TAF7L: variants seen among roughly 807,000 people sequenced by gnomAD.
The protein encoded by TAF7L is TATA-box binding protein associated factor 7 like, also known as transcription initiation factor TFIID subunit 7-like.
Under a neutral mutation model 30.2 loss-of-function variants are expected in TAF7L, and 6 were observed. The ratio of observed to expected loss-of-function variants is 0.20; its 90% CI spans 0.11 to 0.39. The LOEUF (loss-of-function observed/expected upper bound fraction) is 0.39. Among genes scored for constraint, TAF7L ranks in the 10% least tolerant of loss-of-function variants. The pLI, the probability that TAF7L is intolerant of heterozygous loss-of-function variation, is 1.00. For synonymous variants in TAF7L, 93 were observed against 94.5 expected, an observed-to-expected ratio of 0.98 and a Z score of 0.09; for missense variants, 284 against 277.1, an observed-to-expected ratio of 1.03 and a Z score of -0.18.
chrX:101,277,791 T>A, intron 8 of TAF7L, 72 bp from the exon 9 acceptor site: 1 of 780,227 alleles, frequency 1.3e-6, no homozygotes, highest in Non-Finnish European at 1.9e-6. Context: ...AAGGGGCTCT[T>A]TGGCTAACAG....
chrX:101,291,276 T>C lies in TAF7L; in HGVS notation c.-55A>G, dbSNP rs1924788206. ...CCGAAAAGGCTGGGACCTGCGTCTC[T>C]GGTCTGTGGGTTCCGGACGAACCGC... On this transcript the variant is annotated 5_prime_UTR_variant, in exon 1 of 13. Coordinates refer to ENST00000356784, the MANE Select transcript of TAF7L (RefSeq NM_001168474.2). 4.0e-6 allele frequency: 3 copies of C among 754,183 alleles called. No individual in the cohort carries two copies. The highest frequency in any genetic ancestry group is 4.7e-6 in the Non-Finnish European group (3 of 639,196). The allele number at this position is 754,183 out of a possible 1,213,427, so 62.2% of individuals were successfully genotyped here. A position where few individuals can be genotyped will look rare whatever the true frequency, so the allele number is the denominator to read the frequency against.
chrX:101,271,360 T>C (rs1238068182), intron 12 of TAF7L, among the ~76,000 whole-genome samples: 1 of 111,930 alleles, frequency 8.9e-6, no homozygotes, highest in Non-Finnish European at 1.9e-5. Context: ...CTAGATAGTA[T>C]AGCTTACTAC....
Position 101,276,214 on chromosome X carries a change from C to A in TAF7L, c.913+93G>T, listed in dbSNP as rs1924168681. ...CTACTACACATCGAAGCGATAACTT[C>A]TTGAGCTTAGCTTTGAGTCTAATGT... On this transcript the variant is annotated intron_variant, in intron 10 of 12. Coordinates refer to ENST00000356784, the MANE Select transcript of TAF7L (RefSeq NM_001168474.2). 20 of 1,186,702 alleles carry A rather than the reference C, an allele frequency of 1.7e-5. No homozygotes were observed. In the Admixed American group the frequency reaches 4.7e-4, roughly 28 times the overall value.
At chrX:101,278,935 T>G in intron 7 of TAF7L, 59 bp downstream of exon 7, 2 of 1,021,344 alleles carry the variant, frequency 2.0e-6, no homozygotes, top group Non-Finnish European at 2.7e-6. Context: ...TTGAAACTAA[T>G]GAGCTATTAA....
chrX:101,288,205 G>GATCT, intron 1 of TAF7L, among the ~76,000 whole-genome samples: 1 of 107,495 alleles, frequency 9.3e-6, no homozygotes, highest in South Asian at 4.2e-4. Context: ...GCAGTGGTGC[G>GATCT]ATCTCGGCTC....
intron 10 of TAF7L, 93 bp from the exon 11 acceptor site, chrX:101,276,205 C>T (rs746421240): frequency 1.3e-5 from 15 of 1,180,696 alleles, no homozygotes; most frequent in African/African-American, 8.9e-5. Context: ...CACATCGAAG[C>T]GATAACTTCT....
chrX:101,288,756 G>A (rs1924699971), intron 1 of TAF7L, among the ~76,000 whole-genome samples: 1 of 110,257 alleles, frequency 9.1e-6, no homozygotes, highest in South Asian at 3.8e-4. Context: ...TTTCTTCCAA[G>A]TTAATCTTTT....
intron 1 of TAF7L, 36 bp downstream of exon 1, chrX:101,291,188 C>T: frequency 1.5e-6 from 1 of 683,225 alleles, no homozygotes; most frequent in Non-Finnish European, 1.7e-6. Flanking sequence ...GGGGCGCTGA[C>T]CCGGTCCCGG....
In TAF7L at chrX:101,269,216, A is replaced by T; in HGVS notation, c.1108T>A (p.Leu370Met). The T allele has an allele frequency of 8.3e-7, 1 of 1,209,760 alleles. No homozygotes were observed. The highest frequency in any genetic ancestry group is 1.1e-6 in the Non-Finnish European group (1 of 894,202). The change falls in exon 13 of 13, where the codon TTG (leucine) becomes ATG (methionine). Residue 370 changes from leucine to methionine, a missense_variant. By Grantham distance (15) the Leu-to-Met change is conservative. Transcript: ENST00000356784. ...NEKLISLQEQLQRFLKK is the reference protein window; with the variant it reads ...NEKLISLQEQMQRFLKK ...CCTCACTTCTTCAGAAAACGCTGCA[A>T]CTGTTCCTGTAGGGAAATGAGCTGT...
intron 12 of TAF7L, 38 bp downstream of exon 12, chrX:101,275,184 C>T (rs1248203999): frequency 2.0e-6 from 2 of 1,008,571 alleles, no homozygotes; most frequent in African/African-American, 1.9e-5. Context: ...TTCTCTGTAT[C>T]AAATGTTTTC....
chrX:101,286,541 T>C (rs1480084707), intron 3 of TAF7L, 34 bp downstream of exon 3: 4 of 1,040,192 alleles, frequency 3.8e-6, no homozygotes, highest in Admixed American at 2.2e-5. Flanking sequence ...TAAATTATTG[T>C]TCAATGTATA....
intron 12 of TAF7L, among the ~76,000 whole-genome samples, chrX:101,272,631 G>A (rs1924004236): frequency 8.9e-6 from 1 of 111,744 alleles, no homozygotes; most frequent in Non-Finnish European, 1.9e-5. Context: ...GCAGGGGAGA[G>A]GTTCTGGAGA....
At chrX:101,285,850 T>C (rs1332768429) in intron 3 of TAF7L, among the ~76,000 whole-genome samples, 1 of 111,081 alleles carries the variant, frequency 9.0e-6, no homozygotes, top group Admixed American at 9.7e-5. Flanking sequence ...TTATTGGATG[T>C]ACAATTTGCC....
chrX:101,283,650 T>A (rs1361929410), intron 3 of TAF7L, 67 bp from the exon 4 acceptor site: 1 of 1,121,174 alleles, frequency 8.9e-7, no homozygotes, highest in African/African-American at 1.8e-5. Flanking sequence ...AAGGTTTGAA[T>A]AATGAAGACT....
chrX:101,287,472 T>C lies in TAF7L; in HGVS notation c.66+6A>G, dbSNP rs775568389. 9.3e-6 allele frequency: 11 copies of C among 1,183,746 alleles called. No individual in the cohort carries two copies. Among genetic ancestry groups the C allele is most frequent in the Non-Finnish European group, 1.3e-5 (11 of 872,044 alleles). ...AAGATATTTGTTCTGAGATACAAGT[T>C]CTTACCAGAGGCAGACGCAATATAA... On this transcript the variant is annotated splice_donor_region_variant and intron_variant, in intron 2 of 12. Coordinates refer to ENST00000356784, the MANE Select transcript of TAF7L (RefSeq NM_001168474.2).
intron 8 of TAF7L, 99 bp from the exon 9 acceptor site, chrX:101,277,818 C>T (rs1325868934): frequency 1.9e-5 from 12 of 633,152 alleles, no homozygotes; most frequent in Non-Finnish European, 2.7e-5. Context: ...TTAATTTAGT[C>T]CAACTTTAGG....
At chrX:101,272,523 G>A (rs1318090263) in intron 12 of TAF7L, among the ~76,000 whole-genome samples, 1 of 111,134 alleles carries the variant, frequency 9.0e-6, no homozygotes, top group Non-Finnish European at 1.9e-5. Flanking sequence ...AGAGGAGCCC[G>A]ACTCAAAACA....
chrX:101,273,813 G>C (rs779995583), intron 12 of TAF7L, among the ~76,000 whole-genome samples: 2 of 111,205 alleles, frequency 1.8e-5, no homozygotes, highest in African/African-American at 6.5e-5. Context: ...ATGAGACCTT[G>C]CATACGCTCC....
At position 101,275,036 on chromosome X, in the gene TAF7L, T is replaced by C. The variant is rs187912277; in HGVS notation, c.1086+186A>G. Among the ~76,000 whole-genome samples, 158 of 111,733 alleles carry C rather than the reference T, an allele frequency of 1.4e-3. 1 individual carries two copies. Among genetic ancestry groups the C allele is most frequent in the African/African-American group, 4.8e-3 (147 of 30,802 alleles). ...CGTACATCCAGTGCTTTTCACTTCA[T>C]AGGCATTCAATATCTGTTGAATGAG... On this transcript the variant is annotated intron_variant, in intron 12 of 12. Coordinates refer to ENST00000356784, the MANE Select transcript of TAF7L (RefSeq NM_001168474.2).
Sources: gnomAD v4.1 joint callset for allele counts (sites outside exome capture counted in the v4.1 genomes callset) on GRCh38, gnomAD v4.1.1 for gene constraint, MANE v1.5 for transcripts, NCBI Gene and HGNC (gene_info 2026-07-23, HGNC 2026-07-21) for gene names.